Variants in KIAA0930 observed in about 807,000 individuals in gnomAD.
KIAA0930 encodes uncharacterized protein KIAA0930.
In KIAA0930, 24 loss-of-function variants were observed where a neutral mutation model predicts 43.9. The ratio of observed to expected loss-of-function variants is 0.55; its 90% CI spans 0.40 to 0.77. The LOEUF (loss-of-function observed/expected upper bound fraction) is 0.77. Among genes scored for constraint, KIAA0930 ranks in the 30% least tolerant of loss-of-function variants. The pLI, the probability that KIAA0930 is intolerant of heterozygous loss-of-function variation, is 0.00. For missense variants in KIAA0930, 461 were observed against 574.2 expected (o/e 0.80, Z 2.02); for synonymous variants, 259 against 216.4 (o/e 1.20, Z -1.73).
intron 1 of KIAA0930, among the ~76,000 whole-genome samples, chr22:45,234,278 T>C (rs920555345): frequency 7.2e-5 from 11 of 152,090 alleles, no homozygotes; most frequent in African/African-American, 2.2e-4. Flanking sequence ...CCAGGCCTCA[T>C]GGTCCTCCGA....
At chr22:45,206,259 C>G (rs2083637072) in intron 2 of KIAA0930, among the ~76,000 whole-genome samples, 1 of 152,134 alleles carries the variant, frequency 6.6e-6, no homozygotes, top group Admixed American at 6.5e-5. Flanking sequence ...TCAGGTGATC[C>G]TCCTGCCTCG....
chr22:45,213,584 T>G (rs988573666), intron 1 of KIAA0930: 1 of 840,964 alleles, frequency 1.2e-6, no homozygotes, highest in African/African-American at 1.8e-5. Context: ...CTACAGACCC[T>G]TGCAAAATTA....
rs1471292075 is a variant in KIAA0930, at chr22:45,192,447, C to G, written c.*4729G>C. ...AGCATACTGAGCTATCCAGTGGAGG[C>G]CAGCATCGTGTTTTTGCTAAAATAC... On this transcript the variant is annotated 3_prime_UTR_variant, in exon 10 of 10. Coordinates refer to ENST00000336156, the MANE Select transcript of KIAA0930 (RefSeq NM_001009880.2). 2 of 152,162 alleles carry G rather than the reference C, an allele frequency of 1.3e-5. No homozygotes were observed. The highest frequency in any genetic ancestry group is 3.8e-4 in the East Asian group (2 of 5,198). 9.4% of individuals were successfully genotyped at this position (152,162 alleles called of 1,614,324 possible). A position where few individuals can be genotyped will look rare whatever the true frequency, so the allele number is the denominator to read the frequency against.
chr22:45,234,318 C>T (rs1481212436), intron 1 of KIAA0930, among the ~76,000 whole-genome samples: 3 of 146,466 alleles, frequency 2.0e-5, no homozygotes, highest in East Asian at 2.0e-4. Flanking sequence ...GCTTCCTGCT[C>T]GGGGAAGACA....
At chr22:45,216,065 G>A (rs1475112661) in intron 1 of KIAA0930, among the ~76,000 whole-genome samples, 2 of 152,036 alleles carry the variant, frequency 1.3e-5, no homozygotes, top group African/African-American at 2.4e-5. Context: ...GGAGAGTGGA[G>A]AGAAAAGAGA....
At chr22:45,239,083 C>A (rs1044555803) in intron 1 of KIAA0930, among the ~76,000 whole-genome samples, 1 of 152,170 alleles carries the variant, frequency 6.6e-6, no homozygotes, top group African/African-American at 2.4e-5. Context: ...AGCCTCCTTG[C>A]GGGAGGGGCT....
At chr22:45,217,169 T>C (rs926665503) in intron 1 of KIAA0930, among the ~76,000 whole-genome samples, 4 of 152,056 alleles carry the variant, frequency 2.6e-5, no homozygotes, top group African/African-American at 4.8e-5. Context: ...AAGACCAGCC[T>C]AGCCAACATC....
chr22:45,230,675 G>A (rs1194714904), intron 1 of KIAA0930, among the ~76,000 whole-genome samples: 2 of 149,800 alleles, frequency 1.3e-5, no homozygotes, highest in East Asian at 2.0e-4. Context: ...TCCGCCTCCC[G>A]GGTTCATGCA....
At chr22:45,233,426 G>A (rs1005400773) in intron 1 of KIAA0930, among the ~76,000 whole-genome samples, 2 of 152,160 alleles carry the variant, frequency 1.3e-5, no homozygotes, top group Non-Finnish European at 2.9e-5. Context: ...GCCACGCAGG[G>A]CATGCAGCCC....
intron 1 of KIAA0930, among the ~76,000 whole-genome samples, chr22:45,218,949 A>G (rs1455871053): frequency 6.6e-6 from 1 of 152,180 alleles, no homozygotes. Context: ...AGCTTCATGC[A>G]CAGGGGCTGT....
At chr22:45,222,410 A>T (rs2083772728) in intron 1 of KIAA0930, among the ~76,000 whole-genome samples, 1 of 152,170 alleles carries the variant, frequency 6.6e-6, no homozygotes, top group African/African-American at 2.4e-5. Context: ...AACAGGCTCA[A>T]GTGATCCTCC....
In KIAA0930 at chr22:45,196,929, A is replaced by C; in HGVS notation, c.*247T>G. The C allele has an allele frequency of 2.1e-6, 1 of 475,190 alleles. No individual in the cohort carries two copies. The allele number at this position is 475,190 out of a possible 1,614,324, so 29.4% of individuals were successfully genotyped here. On this transcript the variant is annotated 3_prime_UTR_variant, in exon 10 of 10. Coordinates refer to ENST00000336156, the MANE Select transcript of KIAA0930 (RefSeq NM_001009880.2). The surrounding 1 kb of genome is among the most constrained non-coding windows in gnomAD (Gnocchi z 4.1). ...TCTTTGGGTGCAGAGGGCTCTCCAG[A>C]GATGGGTGGGGGGCGATGGGCGGGG...
intron 9 of KIAA0930, 107 bp from the exon 10 acceptor site, chr22:45,197,323 GC>G (rs2083546055): frequency 1.1e-6 from 1 of 940,898 alleles, no homozygotes; most frequent in African/African-American, 1.7e-5. Flanking sequence ...AGCCACTCAT[GC>G]ATCTCCTCTC....
chr22:45,234,757 T>C (rs1456032698), intron 1 of KIAA0930, among the ~76,000 whole-genome samples: 2 of 152,214 alleles, frequency 1.3e-5, no homozygotes, highest in South Asian at 4.1e-4. Context: ...AATCACGGCA[T>C]TGCCCACCCA....
intron 1 of KIAA0930, among the ~76,000 whole-genome samples, chr22:45,213,891 TC>T (rs1415844846): frequency 1.3e-5 from 2 of 152,078 alleles, no homozygotes; most frequent in African/African-American, 2.4e-5. Context: ...GTGCCTGTAA[TC>T]CCAGCTACTC....
At chr22:45,202,337 C>G (rs898973723) in intron 7 of KIAA0930, among the ~76,000 whole-genome samples, 2 of 152,252 alleles carry the variant, frequency 1.3e-5, no homozygotes, top group Non-Finnish European at 1.5e-5. Context: ...GCCTCCCGCC[C>G]TGGGGAAGGA....
At chr22:45,197,601 A>G (rs2083548911) in intron 9 of KIAA0930, among the ~76,000 whole-genome samples, 189 bp downstream of exon 9, 1 of 152,168 alleles carries the variant, frequency 6.6e-6, no homozygotes, top group African/African-American at 2.4e-5. Context: ...CAAAGGGAGG[A>G]CTTCAGCTCT....
chr22:45,213,458 C>A, intron 1 of KIAA0930: 1 of 1,240,340 alleles, frequency 8.1e-7, no homozygotes, highest in South Asian at 1.4e-5. Flanking sequence ...GCCCACGGGA[C>A]TGGCAAGACC....
chr22:45,224,967 C>A (rs534643459), intron 1 of KIAA0930, among the ~76,000 whole-genome samples: 4 of 152,176 alleles, frequency 2.6e-5, no homozygotes, highest in Non-Finnish European at 5.9e-5. Flanking sequence ...CCTGCAGATG[C>A]TGGGTGCCTG....
Sources: gnomAD v4.1 joint callset for allele counts (sites outside exome capture counted in the v4.1 genomes callset) on GRCh38, gnomAD v4.1.1 for gene constraint, Gnocchi (gnomAD v3.1) non-coding constraint, MANE v1.5 for transcripts, NCBI Gene and HGNC (gene_info 2026-07-23, HGNC 2026-07-21) for gene names.